CCDC149: variants seen among roughly 807,000 people sequenced by gnomAD.
The protein encoded by CCDC149 is coiled-coil domain-containing protein 149.
A neutral mutation model predicts 59.9 loss-of-function variants in CCDC149; 45 were observed. The ratio of observed to expected loss-of-function variants is 0.75; its 90% CI spans 0.59 to 0.96. The LOEUF is 0.96. Ranked by LOEUF, CCDC149 falls within the 40% of genes least tolerant of loss-of-function variation. CCDC149 has a pLI of 0.00. For missense variants in CCDC149, 584 were observed against 664.7 expected (o/e 0.88, Z 1.33); for synonymous variants, 245 against 260.6 (o/e 0.94, Z 0.58).
intron 4 of CCDC149, among the ~76,000 whole-genome samples, chr4:24,846,242 A>G (rs529075657): frequency 6.6e-6 from 1 of 152,328 alleles, no homozygotes; most frequent in South Asian, 2.1e-4. Flanking sequence ...ATAGTTCATA[A>G]TCAAGATCCC....
intron 4 of CCDC149, among the ~76,000 whole-genome samples, chr4:24,851,697 G>A (rs1341838292): frequency 6.6e-6 from 1 of 152,074 alleles, no homozygotes; most frequent in Non-Finnish European, 1.5e-5. Context: ...ATTTTCATGG[G>A]CTTAAAGAAA....
intron 1 of CCDC149, among the ~76,000 whole-genome samples, chr4:24,949,947 C>A (rs1302318085): frequency 6.6e-6 from 1 of 152,112 alleles, no homozygotes; most frequent in Non-Finnish European, 1.5e-5. Context: ...GCAGAGGTGG[C>A]CGTGAAGAGA....
chr4:24,823,639 C>T (rs1310113914), intron 9 of CCDC149, among the ~76,000 whole-genome samples: 2 of 152,136 alleles, frequency 1.3e-5, no homozygotes, highest in Admixed American at 6.5e-5. Flanking sequence ...GCTACACACA[C>T]CCACATACAC....
chr4:24,959,796 T>C (rs1473447086), intron 1 of CCDC149, among the ~76,000 whole-genome samples: 1 of 152,170 alleles, frequency 6.6e-6, no homozygotes, highest in African/African-American at 2.4e-5. Flanking sequence ...TCTAGAATTC[T>C]ATCCCAAGCA....
intron 1 of CCDC149, among the ~76,000 whole-genome samples, chr4:24,935,287 G>A (rs543032151): frequency 6.6e-6 from 1 of 152,262 alleles, no homozygotes; most frequent in South Asian, 2.1e-4. Flanking sequence ...GTTAATCATG[G>A]TACCATTTTC....
chr4:24,962,770 T>C (rs1240723756), intron 1 of CCDC149, among the ~76,000 whole-genome samples: 3 of 151,932 alleles, frequency 2.0e-5, no homozygotes, highest in African/African-American at 7.3e-5. Context: ...CATTAGGAGA[T>C]ATACCTAATG....
At chr4:24,886,560 G>A (rs1199146504) in intron 1 of CCDC149, among the ~76,000 whole-genome samples, 2 of 152,360 alleles carry the variant, frequency 1.3e-5, no homozygotes, top group Middle Eastern at 3.4e-3. Flanking sequence ...ATGCTGGGAA[G>A]TGAGAAAACA....
chr4:24,920,392 A>G (rs1208884336), intron 1 of CCDC149, among the ~76,000 whole-genome samples: 1 of 152,224 alleles, frequency 6.6e-6, no homozygotes, highest in Non-Finnish European at 1.5e-5. Context: ...GCTCCCTACA[A>G]CATGGCAGCT....
At chr4:24,928,291 T>C (rs1168780097) in intron 1 of CCDC149, among the ~76,000 whole-genome samples, 2 of 152,158 alleles carry the variant, frequency 1.3e-5, no homozygotes, top group Admixed American at 6.5e-5. Flanking sequence ...CATTGGACTG[T>C]GATAGCATAA....
chr4:24,961,629 A>G (rs1455929752), intron 1 of CCDC149, among the ~76,000 whole-genome samples: 1 of 152,234 alleles, frequency 6.6e-6, no homozygotes. Flanking sequence ...CCAATGGAAC[A>G]GAACAGAGCC....
chr4:24,865,817 T>C (rs2109219362), intron 3 of CCDC149, among the ~76,000 whole-genome samples: 1 of 152,226 alleles, frequency 6.6e-6, no homozygotes, highest in East Asian at 1.9e-4. Context: ...AATCGGGGGG[T>C]GCTTCCACCT....
Position 24,956,632 on chromosome 4 carries a change from G to A in CCDC149, c.-65+23437C>T, listed in dbSNP as rs891105250. ...GATGCCACAGTAGGACACTCTAGGAGATGGGAAATAAACCCTACGAAGGAT... is the reference window on the plus strand; with the variant it reads ...GATGCCACAGTAGGACACTCTAGGAAATGGGAAATAAACCCTACGAAGGAT... On this transcript the variant is annotated intron_variant, in intron 1 of 12. Transcript: ENST00000389609. Among the ~76,000 whole-genome samples the A allele has an allele frequency of 2.6e-5, 4 of 152,300 alleles. No homozygotes were observed. In the South Asian group the frequency reaches 8.3e-4, roughly 32 times the overall value.
At position 24,963,107 on chromosome 4, in the gene CCDC149, C is replaced by T. The variant is rs369762619; in HGVS notation, c.-65+16962G>A. Among the ~76,000 whole-genome samples, 25 of 152,206 alleles carry T rather than the reference C, an allele frequency of 1.6e-4. No homozygotes were observed. The South Asian group carries it at 4.2e-3, about 25-fold the overall frequency. ...CCAGCCAAATATCAATACAAAAACA[C>T]CCACAATCAAGCAGGGAGTTGATCT... On this transcript the variant is annotated intron_variant, in intron 1 of 12. Transcript: ENST00000389609.
chr4:24,929,075 A>G (rs1409625913), intron 1 of CCDC149, among the ~76,000 whole-genome samples: 1 of 152,210 alleles, frequency 6.6e-6, no homozygotes, highest in African/African-American at 2.4e-5. Flanking sequence ...TGAAAGGCCA[A>G]GGTATGGAAA....
At position 24,836,486 on chromosome 4, in the gene CCDC149, G is replaced by C; in HGVS notation, c.685C>G (p.Gln229Glu). 1 of 1,611,608 alleles carries C rather than the reference G, an allele frequency of 6.2e-7. No individual in the cohort carries two copies. Among genetic ancestry groups the C allele is most frequent in the South Asian group, 1.1e-5 (1 of 90,920 alleles). ...AAGAGGTTGACCTCTTCATGGAGTT[G>C]CTTTAATCTCTCTTGAAGGTACCTG... Residue 229 changes from glutamine to glutamate, a missense_variant, in exon 7 of 13, where the codon CAA becomes GAA. Physicochemically the swap from Gln to Glu is conservative, Grantham distance 29. Coordinates refer to ENST00000635206, the MANE Select transcript of CCDC149 (RefSeq NM_001330643.2).
intron 1 of CCDC149, among the ~76,000 whole-genome samples, chr4:24,902,200 T>C (rs3843416): frequency 0.79 from 120,914 of 152,184 alleles, 48,611 homozygotes; most frequent in Non-Finnish European, 0.86. Flanking sequence ...CTGGTATCTC[T>C]TCCTAACCTG....
intron 1 of CCDC149, among the ~76,000 whole-genome samples, chr4:24,978,972 G>A (rs924503460): frequency 9.9e-5 from 15 of 152,152 alleles, no homozygotes; most frequent in African/African-American, 3.6e-4. Context: ...GAGTTACCCC[G>A]AAAAGGAGAC....
chr4:24,974,866 G>C (rs988111382), intron 1 of CCDC149, among the ~76,000 whole-genome samples: 5 of 150,332 alleles, frequency 3.3e-5, no homozygotes, highest in Non-Finnish European at 7.4e-5. Flanking sequence ...GAGAGGGAGT[G>C]AAAGAGGGGT....
At position 24,975,435 on chromosome 4, in the gene CCDC149, G is replaced by A. The variant is rs183513442; in HGVS notation, c.-65+4634C>T. On this transcript the variant is annotated intron_variant, in intron 1 of 12. Coordinates refer to the CCDC149 transcript ENST00000389609. ...AAGAGGGGAGGGAAGGAGAAGGAAGGGGGAGGAGGGGGACAGGAGAGGGAG... is the reference window on the plus strand; with the variant it reads ...AAGAGGGGAGGGAAGGAGAAGGAAGAGGGAGGAGGGGGACAGGAGAGGGAG... Among the ~76,000 whole-genome samples, 155 of 110,296 alleles carry A rather than the reference G, an allele frequency of 1.4e-3. 5 individuals carry two copies. In the South Asian group the frequency reaches 0.049, roughly 35 times the overall value. 72.4% of individuals were successfully genotyped at this position (110,296 alleles called of 152,430 possible).
Sources: gnomAD v4.1 joint callset for allele counts (sites outside exome capture counted in the v4.1 genomes callset) on GRCh38, gnomAD v4.1.1 for gene constraint, MANE v1.5 for transcripts, NCBI Gene and HGNC (gene_info 2026-07-23, HGNC 2026-07-21) for gene names.